TSPAN9: variants seen among roughly 807,000 people sequenced by gnomAD.
The protein encoded by TSPAN9 is tetraspanin 9, also known as tetraspanin-9.
A neutral mutation model predicts 31.0 loss-of-function variants in TSPAN9; 16 were observed. The observed-to-expected ratio is 0.52, with a 90% confidence interval of 0.35 to 0.78. TSPAN9 has a LOEUF of 0.78. Ranked by LOEUF, TSPAN9 falls within the 30% of genes least tolerant of loss-of-function variation. The pLI is 0.01. For missense variants in TSPAN9, 272 were observed against 312.5 expected, an observed-to-expected ratio of 0.87 and a Z score of 0.98; for synonymous variants, 145 against 121.6, an observed-to-expected ratio of 1.19 and a Z score of -1.27.
intron 3 of TSPAN9, among the ~76,000 whole-genome samples, chr12:3,226,698 G>A (rs868748421): frequency 9.8e-5 from 4 of 40,834 alleles, no homozygotes; most frequent in Admixed American, 3.4e-4. Flanking sequence ...GTGTGTGTGT[G>A]TGTGTGTGTA....
At chr12:3,106,137 C>T (rs917047591) in intron 2 of TSPAN9, among the ~76,000 whole-genome samples, 1 of 152,282 alleles carries the variant, frequency 6.6e-6, no homozygotes, top group Non-Finnish European at 1.5e-5. Flanking sequence ...CTCACACACA[C>T]GTGCGTGATT....
intron 2 of TSPAN9, among the ~76,000 whole-genome samples, chr12:3,123,204 C>G (rs1016358812): frequency 6.6e-6 from 1 of 152,186 alleles, no homozygotes; most frequent in Non-Finnish European, 1.5e-5. Flanking sequence ...TCGGGAGTGG[C>G]GTCTGCATCC....
intron 2 of TSPAN9, among the ~76,000 whole-genome samples, chr12:3,174,717 G>A (rs1326246868): frequency 6.7e-6 from 1 of 150,158 alleles, no homozygotes; most frequent in Non-Finnish European, 1.5e-5. Flanking sequence ...CGAGTAGCTG[G>A]GACTACAGGC....
intron 2 of TSPAN9, among the ~76,000 whole-genome samples, chr12:3,103,600 A>C (rs1224667865): frequency 1.4e-5 from 2 of 145,382 alleles, no homozygotes; most frequent in Non-Finnish European, 2.9e-5. Flanking sequence ...GCTCCCCACC[A>C]TGCCATGCAC....
In TSPAN9 at chr12:3,153,270, T is replaced by C. The variant is rs2098340723; in HGVS notation, c.-17-47907T>C. ...ATTGGGCATTTTAAAAAAATACTTA[T>C]CATATAAGTAATGCCGTATAATAGG... On this transcript the variant is annotated intron_variant, in intron 2 of 8. Coordinates refer to ENST00000011898, the MANE Select transcript of TSPAN9 (RefSeq NM_006675.5). Among the ~76,000 whole-genome samples the C allele has an allele frequency of 5.9e-5, 9 of 152,176 alleles. 1 individual carries two copies. The highest frequency in any genetic ancestry group is 2.1e-4 in the South Asian group (1 of 4,830).
chr12:3,268,877 CGTTCCTGCAGCCTGCCCTCTCTGT>C (rs1862605919), intron 3 of TSPAN9, among the ~76,000 whole-genome samples: 1 of 96,532 alleles, frequency 1.0e-5, no homozygotes, highest in African/African-American at 4.2e-5. Context: ...GCCCTCTGTG[CGTTCCTGCAGCCTGCCCTCTCTGT>C]GTTCCTGCAG....
intron 2 of TSPAN9, among the ~76,000 whole-genome samples, chr12:3,163,869 G>C (rs1263462626): frequency 1.3e-5 from 2 of 152,212 alleles, no homozygotes; most frequent in Admixed American, 1.3e-4. Flanking sequence ...GTTACTGCCT[G>C]TGGATATTAG....
chr12:3,235,258 A>G (rs1238758883), intron 3 of TSPAN9, among the ~76,000 whole-genome samples: 2 of 88,832 alleles, frequency 2.3e-5, no homozygotes, highest in African/African-American at 8.6e-5. Context: ...ATATATATAT[A>G]TATATATATA....
intron 2 of TSPAN9, among the ~76,000 whole-genome samples, chr12:3,140,557 G>A (rs904162449): frequency 2.6e-5 from 4 of 152,166 alleles, no homozygotes; most frequent in African/African-American, 7.2e-5. Flanking sequence ...TTTCTTAGGA[G>A]CAGCTGAAGG....
At chr12:3,103,972 G>A (rs966451587) in intron 2 of TSPAN9, among the ~76,000 whole-genome samples, 3 of 152,226 alleles carry the variant, frequency 2.0e-5, no homozygotes, top group Non-Finnish European at 2.9e-5. Context: ...CGGGACGGGA[G>A]GATGAGGCGG....
intron 2 of TSPAN9, among the ~76,000 whole-genome samples, chr12:3,148,601 A>G (rs1196242760): frequency 6.6e-6 from 1 of 152,224 alleles, no homozygotes; most frequent in Non-Finnish European, 1.5e-5. Flanking sequence ...ACATGACCAC[A>G]CTGCCAAGTG....
chr12:3,215,011 T>C (rs10848822), intron 3 of TSPAN9, among the ~76,000 whole-genome samples: 111,185 of 151,760 alleles, frequency 0.73, 40,709 homozygotes, highest in East Asian at 0.9. Context: ...CCACCTCCCT[T>C]ATCCCCTGGC....
intron 2 of TSPAN9, among the ~76,000 whole-genome samples, chr12:3,114,749 A>G (rs2098321287): frequency 6.6e-6 from 1 of 150,636 alleles, no homozygotes; most frequent in Non-Finnish European, 1.5e-5. Flanking sequence ...AGGCTGAGGC[A>G]GGAGAATCGC....
At chr12:3,176,939 C>T (rs1274011416) in intron 2 of TSPAN9, among the ~76,000 whole-genome samples, 2 of 152,146 alleles carry the variant, frequency 1.3e-5, no homozygotes, top group African/African-American at 2.4e-5. Flanking sequence ...GAAGGTGCCC[C>T]GCATTAGCGG....
intron 2 of TSPAN9, among the ~76,000 whole-genome samples, chr12:3,182,090 T>C (rs1591664035): frequency 6.6e-6 from 1 of 151,992 alleles, no homozygotes; most frequent in African/African-American, 2.4e-5. Flanking sequence ...TTGGGGCTGG[T>C]GGAGAAGGCT....
intron 1 of TSPAN9, among the ~76,000 whole-genome samples, chr12:3,080,625 C>T (rs189740826): frequency 1.1e-4 from 17 of 152,192 alleles, no homozygotes; most frequent in South Asian, 1.0e-3. Context: ...CATGAGCCAC[C>T]GCGCCTGGCA....
intron 2 of TSPAN9, among the ~76,000 whole-genome samples, chr12:3,102,529 C>T (rs1237041368): frequency 6.6e-6 from 1 of 151,708 alleles, no homozygotes; most frequent in Non-Finnish European, 1.5e-5. Context: ...CCGCCTCCCA[C>T]CAGGTTCATG....
chr12:3,080,910 G>A (rs925738553), intron 1 of TSPAN9, among the ~76,000 whole-genome samples: 1 of 152,202 alleles, frequency 6.6e-6, no homozygotes, highest in Non-Finnish European at 1.5e-5. Flanking sequence ...CAGCTTAGGT[G>A]GGAAGCCCTT....
rs1303022288 is a variant in TSPAN9, at chr12:3,107,175, GCC to G, written c.-18+23460_-18+23461del. Among the ~76,000 whole-genome samples the G allele has an allele frequency of 6.6e-6, 1 of 152,168 alleles. No individual in the cohort carries two copies. The highest frequency in any genetic ancestry group is 1.5e-5 in the Non-Finnish European group (1 of 68,022). On this transcript the variant is annotated intron_variant, in intron 2 of 8. Transcript: ENST00000011898. This position sits in a 1 kb window ranked among gnomAD's most constrained non-coding sequence, Gnocchi z 4.1. ...TCCAATTAGACTTGAGCCGCCGGCG[GCC>G]CCCTCCGTGGGGAGTGGGGGAGGGA...
Sources: allele counts gnomAD v4.1 joint callset (sites outside exome capture counted in the v4.1 genomes callset), GRCh38; gene constraint gnomAD v4.1.1; non-coding constraint Gnocchi (gnomAD v3.1); transcripts MANE v1.5; gene names NCBI Gene and HGNC (gene_info 2026-07-23, HGNC 2026-07-21).